Variants in ROBO2 observed in about 807,000 individuals in gnomAD.
ROBO2 encodes the protein roundabout homolog 2.
ROBO2 carries 53 observed loss-of-function variants against 160.8 expected under a neutral mutation model. The observed-to-expected ratio is 0.33, with a 90% confidence interval of 0.26 to 0.41. The LOEUF is 0.41. Ranked by LOEUF, ROBO2 falls within the 10% of genes least tolerant of loss-of-function variation. The pLI, the probability that ROBO2 is intolerant of heterozygous loss-of-function variation, is 1.00. For missense variants in ROBO2, 1,577 were observed against 1,722.4 expected, an observed-to-expected ratio of 0.92 and a Z score of 1.49; for synonymous variants, 664 against 611.7, an observed-to-expected ratio of 1.09 and a Z score of -1.26.
chr3:77,581,773 C>A (rs2093924704), intron 16 of ROBO2, among the ~76,000 whole-genome samples: 1 of 151,950 alleles, frequency 6.6e-6, no homozygotes, highest in Non-Finnish European at 1.5e-5. Flanking sequence ...TATCTCAGGT[C>A]AAATTATTTG....
intron 2 of ROBO2, among the ~76,000 whole-genome samples, chr3:76,549,093 T>C: frequency 6.6e-6 from 1 of 152,332 alleles, no homozygotes; most frequent in South Asian, 2.1e-4. Context: ...ACATATCTCA[T>C]AATATTTGGG....
At chr3:77,519,937 C>T (rs957408292) in intron 5 of ROBO2, among the ~76,000 whole-genome samples, 3 of 151,366 alleles carry the variant, frequency 2.0e-5, no homozygotes, top group African/African-American at 7.3e-5. Flanking sequence ...GCATCATCAG[C>T]GTGTGTTATT....
intron 2 of ROBO2, among the ~76,000 whole-genome samples, chr3:76,154,379 T>C (rs1025103415): frequency 6.6e-6 from 1 of 152,048 alleles, no homozygotes; most frequent in African/African-American, 2.4e-5. Flanking sequence ...ATTCAGGGGT[T>C]TTTAAGATGA....
chr3:75,997,715 G>A (rs565770277), intron 2 of ROBO2, among the ~76,000 whole-genome samples: 13 of 152,046 alleles, frequency 8.6e-5, no homozygotes, highest in South Asian at 2.1e-4. Flanking sequence ...GGATGGTCTC[G>A]ATCTCCTGAC....
chr3:77,139,852 C>T (rs1383659634), intron 2 of ROBO2, among the ~76,000 whole-genome samples: 1 of 152,168 alleles, frequency 6.6e-6, no homozygotes, highest in African/African-American at 2.4e-5. Context: ...AAAGGTCAAT[C>T]ATTTTCCCAT....
intron 1 of ROBO2, among the ~76,000 whole-genome samples, chr3:77,042,859 T>C (rs2064234072): frequency 6.6e-6 from 1 of 152,222 alleles, no homozygotes; most frequent in African/African-American, 2.4e-5. Flanking sequence ...GCCACAATTA[T>C]GCAGCAGAAC....
At chr3:77,348,540 A>G (rs1288584351) in intron 2 of ROBO2, among the ~76,000 whole-genome samples, 1 of 152,124 alleles carries the variant, frequency 6.6e-6, no homozygotes, top group Non-Finnish European at 1.5e-5. Context: ...TAGAATGACT[A>G]ACTGTATGGG....
chr3:76,025,844 G>A (rs2066726715), intron 2 of ROBO2, among the ~76,000 whole-genome samples: 2 of 151,768 alleles, frequency 1.3e-5, no homozygotes, highest in South Asian at 2.1e-4. Flanking sequence ...TATTCTAAGT[G>A]ATCTCTGCCA....
intron 2 of ROBO2, among the ~76,000 whole-genome samples, chr3:76,028,730 A>G (rs1261549774): frequency 6.6e-6 from 1 of 152,042 alleles, no homozygotes; most frequent in Non-Finnish European, 1.5e-5. Flanking sequence ...CCTTTCTACC[A>G]AAGATCATTA....
chr3:77,212,404 GT>G (rs2084297818), intron 2 of ROBO2, among the ~76,000 whole-genome samples: 1 of 152,180 alleles, frequency 6.6e-6, no homozygotes, highest in South Asian at 2.1e-4. Context: ...AAGAATGCTT[GT>G]GATTTTTGGA....
chr3:76,920,598 A>G (rs1559704858), intron 2 of ROBO2, among the ~76,000 whole-genome samples: 1 of 152,200 alleles, frequency 6.6e-6, no homozygotes, highest in Non-Finnish European at 1.5e-5. Flanking sequence ...ATGCTTTTTA[A>G]ACTTCAATTA....
At chr3:77,266,749 T>G (rs1428662177) in intron 2 of ROBO2, among the ~76,000 whole-genome samples, 3 of 152,148 alleles carry the variant, frequency 2.0e-5, no homozygotes. Context: ...ATGATAATAA[T>G]TATCCACATT....
intron 15 of ROBO2, among the ~76,000 whole-genome samples, chr3:77,578,239 G>A (rs2093820153): frequency 6.6e-6 from 1 of 152,034 alleles, no homozygotes; most frequent in Non-Finnish European, 1.5e-5. Context: ...CCATCATTTG[G>A]TGTGTAAAGT....
intron 2 of ROBO2, among the ~76,000 whole-genome samples, chr3:75,981,489 ATG>A (rs1559802632): frequency 1.3e-5 from 2 of 151,366 alleles, no homozygotes; most frequent in African/African-American, 4.8e-5. Context: ...AATGCCTACT[ATG>A]TGTGAGAGAT....
At chr3:77,340,592 A>G (rs768993504) in intron 2 of ROBO2, among the ~76,000 whole-genome samples, 4 of 152,154 alleles carry the variant, frequency 2.6e-5, no homozygotes, top group Non-Finnish European at 4.4e-5. Context: ...GATCTTTTTC[A>G]TTAGTTGGCA....
At chr3:76,185,312 C>T (rs1335075160) in intron 2 of ROBO2, among the ~76,000 whole-genome samples, 1 of 148,084 alleles carries the variant, frequency 6.8e-6, no homozygotes, top group Non-Finnish European at 1.5e-5. Context: ...ATAAAGAAAC[C>T]AATCTATTAT....
intron 2 of ROBO2, among the ~76,000 whole-genome samples, chr3:77,474,324 T>C (rs899847361): frequency 6.6e-6 from 1 of 152,190 alleles, no homozygotes; most frequent in Admixed American, 6.5e-5. Context: ...GGTACGCTAA[T>C]AAATTTGTGT....
At chr3:76,391,693 T>A (rs2077161630) in intron 2 of ROBO2, among the ~76,000 whole-genome samples, 1 of 152,098 alleles carries the variant, frequency 6.6e-6, no homozygotes, top group Non-Finnish European at 1.5e-5. Context: ...GTATTTTTAG[T>A]AGAGACGGGG....
At chr3:76,470,058 C>T (rs1029754241) in intron 2 of ROBO2, among the ~76,000 whole-genome samples, 1 of 152,184 alleles carries the variant, frequency 6.6e-6, no homozygotes, top group South Asian at 2.1e-4. Flanking sequence ...GCATCAGGTC[C>T]TGTAGATTGT....
Sources: gnomAD v4.1 joint callset for allele counts (sites outside exome capture counted in the v4.1 genomes callset) on GRCh38, gnomAD v4.1.1 for gene constraint, MANE v1.5 for transcripts, NCBI Gene and HGNC (gene_info 2026-07-23, HGNC 2026-07-21) for gene names.